Variants in STK39 observed in about 807,000 individuals in gnomAD.
The protein encoded by STK39 is serine/threonine kinase 39, also known as STE20/SPS1-related proline-alanine-rich protein kinase.
A neutral mutation model predicts 77.8 loss-of-function variants in STK39; 20 were observed. The observed-to-expected ratio is 0.26, with a 90% CI of 0.18 to 0.37. The LOEUF (loss-of-function observed/expected upper bound fraction) is 0.37, where lower values mean the gene tolerates loss of function less well. Among genes scored for constraint, STK39 ranks in the 10% least tolerant of loss-of-function variants. The pLI, the probability that STK39 is intolerant of heterozygous loss-of-function variation, is 1.00. For synonymous variants in STK39, 246 were observed against 234.1 expected (o/e 1.05, Z -0.47); for missense variants, 479 against 656.5 (o/e 0.73, Z 2.95).
chr2:168,213,229 A>G (rs1179234759), intron 1 of STK39, among the ~76,000 whole-genome samples: 1 of 152,266 alleles, frequency 6.6e-6, no homozygotes, highest in African/African-American at 2.4e-5. Context: ...ACTAAGTGCT[A>G]GAGCACAAAA....
intron 1 of STK39, among the ~76,000 whole-genome samples, chr2:168,229,671 T>G (rs1347031984): frequency 2.0e-5 from 3 of 152,202 alleles, no homozygotes; most frequent in African/African-American, 7.2e-5. Flanking sequence ...GATGCACAGA[T>G]AACGTGTTAT....
At chr2:168,018,135 C>A (rs974991002) in intron 14 of STK39, among the ~76,000 whole-genome samples, 1 of 152,084 alleles carries the variant, frequency 6.6e-6, no homozygotes, top group African/African-American at 2.4e-5. Context: ...GTTTCAACTT[C>A]TTGTAAGAAC....
In STK39 at chr2:168,012,568, TG is replaced by T. The variant is rs558027520; in HGVS notation, c.1498+65del. Reference sequence around the variant, plus strand: ...TGAATTATTCCTTAATGAACACTTTTGCTTCCAAACACATTTCCATTTTATA... The same window carrying T: ...TGAATTATTCCTTAATGAACACTTTTCTTCCAAACACATTTCCATTTTATA... On this transcript the variant is annotated intron_variant, in intron 16 of 17. Transcript: ENST00000355999. 112 of 1,300,232 alleles carry T rather than the reference TG, an allele frequency of 8.6e-5. No homozygotes were observed. The African/African-American group carries it at 1.6e-3, about 18-fold the overall frequency. 80.5% of individuals were successfully genotyped at this position (1,300,232 alleles called of 1,614,324 possible). A position where few individuals can be genotyped will look rare whatever the true frequency, so the allele number is the denominator to read the frequency against.
At chr2:167,970,097 C>A (rs994529204) in intron 16 of STK39, among the ~76,000 whole-genome samples, 1 of 152,078 alleles carries the variant, frequency 6.6e-6, no homozygotes, top group Non-Finnish European at 1.5e-5. Context: ...TGACTGCCTC[C>A]CTCCCTTTCT....
intron 1 of STK39, among the ~76,000 whole-genome samples, chr2:168,227,893 A>G (rs1690348268): frequency 6.6e-6 from 1 of 152,030 alleles, no homozygotes; most frequent in Non-Finnish European, 1.5e-5. Flanking sequence ...TCCTGACCTA[A>G]TGATCCGCCC....
chr2:168,228,154 C>A (rs934822000), intron 1 of STK39, among the ~76,000 whole-genome samples: 1 of 152,208 alleles, frequency 6.6e-6, no homozygotes, highest in African/African-American at 2.4e-5. Flanking sequence ...ACACTTAACA[C>A]ACTTTGCAGT....
At chr2:168,167,677 T>G (rs1288131150) in intron 2 of STK39, among the ~76,000 whole-genome samples, 1 of 152,178 alleles carries the variant, frequency 6.6e-6, no homozygotes, top group Non-Finnish European at 1.5e-5. Flanking sequence ...ATCACCCAGA[T>G]GACCCCCCAA....
intron 10 of STK39, among the ~76,000 whole-genome samples, chr2:168,076,462 C>G (rs913861429): frequency 2.6e-5 from 4 of 152,140 alleles, no homozygotes; most frequent in Non-Finnish European, 4.4e-5. Context: ...GGAAACAACA[C>G]AGAACTTAAA....
chr2:168,192,771 C>T (rs1574543305), intron 1 of STK39, among the ~76,000 whole-genome samples: 1 of 152,214 alleles, frequency 6.6e-6, no homozygotes. Flanking sequence ...AGAATGTTGA[C>T]TGTTGGGGTT....
At chr2:168,199,038 C>T (rs901118952) in intron 1 of STK39, among the ~76,000 whole-genome samples, 2 of 152,148 alleles carry the variant, frequency 1.3e-5, no homozygotes, top group African/African-American at 4.8e-5. Context: ...TTTGCTATGG[C>T]ATCATATTTT....
chr2:168,172,006 C>T (rs780333555), intron 2 of STK39, among the ~76,000 whole-genome samples: 5 of 152,072 alleles, frequency 3.3e-5, no homozygotes, highest in Non-Finnish European at 7.3e-5. Context: ...CTTGGCCTTG[C>T]CATTTACTGG....
intron 1 of STK39, among the ~76,000 whole-genome samples, chr2:168,200,643 C>T (rs953821172): frequency 1.3e-5 from 2 of 152,036 alleles, no homozygotes; most frequent in Admixed American, 1.3e-4. Context: ...TACCACTGTA[C>T]TCCAGCCCGG....
At chr2:168,129,510 C>T (rs1687625582) in intron 10 of STK39, 31 bp downstream of exon 10, 2 of 1,613,368 alleles carry the variant, frequency 1.2e-6, no homozygotes, top group Non-Finnish European at 1.7e-6. Flanking sequence ...GGATTGGTTC[C>T]TACAGGGTCA....
Position 168,007,789 on chromosome 2 carries a change from C to A in STK39, c.1498+4845G>T, listed in dbSNP as rs77233906. Among the ~76,000 whole-genome samples the A allele has an allele frequency of 9.0e-3, 1,372 of 152,128 alleles. 18 individuals are homozygous for A. Among genetic ancestry groups the A allele is most frequent in the African/African-American group, 0.031 (1,298 of 41,506 alleles). On this transcript the variant is annotated intron_variant, in intron 16 of 17. Transcript: ENST00000355999. ...GAGACATCTGAGAAGTGAGAGGGGACACAGTGCAGAGGACTGGAAGCCATG... is the reference window on the plus strand; with the variant it reads ...GAGACATCTGAGAAGTGAGAGGGGAAACAGTGCAGAGGACTGGAAGCCATG...
At chr2:168,084,490 T>G (rs550799831) in intron 10 of STK39, among the ~76,000 whole-genome samples, 2 of 152,128 alleles carry the variant, frequency 1.3e-5, no homozygotes, top group African/African-American at 4.8e-5. Context: ...AAGAAGGTTG[T>G]CAGTGAGGGC....
At chr2:168,148,052 C>T (rs1225917402) in intron 5 of STK39, among the ~76,000 whole-genome samples, 1 of 152,206 alleles carries the variant, frequency 6.6e-6, no homozygotes, top group South Asian at 2.1e-4. Context: ...GAAAGCTCAT[C>T]CTAGGCCATA....
intron 14 of STK39, among the ~76,000 whole-genome samples, chr2:168,042,667 G>A (rs2105354293): frequency 6.7e-6 from 1 of 149,246 alleles, no homozygotes; most frequent in Non-Finnish European, 1.5e-5. Context: ...TGCAACCTCT[G>A]CCTCTTGGGT....
chr2:167,995,949 T>A (rs900936799), intron 16 of STK39, among the ~76,000 whole-genome samples: 2 of 152,172 alleles, frequency 1.3e-5, no homozygotes, highest in Non-Finnish European at 2.9e-5. Context: ...CAGAGGGTGC[T>A]GGGCTTTAAT....
intron 14 of STK39, among the ~76,000 whole-genome samples, chr2:168,051,416 TACTG>T (rs1685391349): frequency 6.6e-6 from 1 of 152,184 alleles, no homozygotes; most frequent in Non-Finnish European, 1.5e-5. Context: ...CTGTTTAAGG[TACTG>T]ACTATTTTTA....
Sources: gnomAD v4.1 joint callset for allele counts (sites outside exome capture counted in the v4.1 genomes callset) on GRCh38, gnomAD v4.1.1 for gene constraint, MANE v1.5 for transcripts, NCBI Gene and HGNC (gene_info 2026-07-23, HGNC 2026-07-21) for gene names.